USH2A: variants seen among roughly 807,000 people sequenced by gnomAD.
USH2A encodes the protein Usher syndrome 2A (autosomal recessive, mild).
A neutral mutation model predicts 538.9 loss-of-function variants in USH2A; 443 were observed. The observed-to-expected ratio is 0.82, with a 90% confidence interval of 0.76 to 0.89. The LOEUF is 0.89. Among genes scored for constraint, USH2A ranks in the 40% least tolerant of loss-of-function variants. The probability of loss-of-function intolerance (pLI) is 0.00; values close to 1 mark genes in which losing one functional copy is unlikely to be tolerated. For missense variants in USH2A, 6,633 were observed against 6,324.8 expected (o/e 1.05, Z -1.65); for synonymous variants, 2,413 against 2,273.5 (o/e 1.06, Z -1.75).
At chr1:216,202,147 A>C (rs2035015035) in intron 16 of USH2A, among the ~76,000 whole-genome samples, 1 of 152,250 alleles carries the variant, frequency 6.6e-6, no homozygotes, top group Non-Finnish European at 1.5e-5. Flanking sequence ...AAAACCTAAA[A>C]GAAAAAAATA....
intron 3 of USH2A, among the ~76,000 whole-genome samples, chr1:216,374,035 T>C (rs1335595612): frequency 7.3e-6 from 1 of 137,372 alleles, no homozygotes; most frequent in African/African-American, 2.8e-5. Context: ...TTCTCACTCA[T>C]AGGTGGGAAT....
At chr1:216,024,550 T>C (rs1351545423) in intron 32 of USH2A, among the ~76,000 whole-genome samples, 1 of 152,096 alleles carries the variant, frequency 6.6e-6, no homozygotes, top group Admixed American at 6.5e-5. Flanking sequence ...TATGTAATTA[T>C]GTAAATTCCA....
intron 64 of USH2A, among the ~76,000 whole-genome samples, chr1:215,657,912 C>A (rs1657312721): frequency 1.4e-5 from 2 of 146,026 alleles, no homozygotes; most frequent in Admixed American, 1.4e-4. Context: ...CTGTGAAATA[C>A]TGAAATTTGC....
intron 41 of USH2A, among the ~76,000 whole-genome samples, chr1:215,883,894 A>G (rs1664983711): frequency 6.6e-6 from 1 of 152,150 alleles, no homozygotes; most frequent in Admixed American, 6.6e-5. Context: ...TTATACTTCA[A>G]AATCATTTTA....
rs114171452 is a variant in USH2A at position 216,303,868 on chromosome 1, G to T, written c.1645-11498C>A. Among the ~76,000 whole-genome samples, 1,410 of 152,004 alleles carry T rather than the reference G, an allele frequency of 9.3e-3. 7 individuals carry two copies. The highest frequency in any genetic ancestry group is 0.039 in the South Asian group (190 of 4,824). On this transcript the variant is annotated intron_variant, in intron 9 of 71. Transcript: ENST00000307340. ...ACATAGAAGGCATTTATAAATATTTGTTGAGTGACTAAAGCTAGCAAATGA... is the reference window on the plus strand; with the variant it reads ...ACATAGAAGGCATTTATAAATATTTTTTGAGTGACTAAAGCTAGCAAATGA...
At chr1:216,049,579 C>T (rs72744696) in intron 30 of USH2A, among the ~76,000 whole-genome samples, 11,631 of 152,162 alleles carry the variant, frequency 0.076, 964 homozygotes, top group African/African-American at 0.21. Flanking sequence ...TGGCCCCACT[C>T]GTGGTGTCTC....
rs372626870 is a variant in USH2A at position 216,201,275 on chromosome 1, C to CATCG, written c.3317-1158_3317-1155dup. Among the ~76,000 whole-genome samples, 315 of 151,056 alleles carry CATCG rather than the reference C, an allele frequency of 2.1e-3. 4 individuals are homozygous for CATCG. Among genetic ancestry groups the CATCG allele is most frequent in the African/African-American group, 7.0e-3 (286 of 41,078 alleles). On this transcript the variant is annotated intron_variant, in intron 16 of 71. Coordinates refer to ENST00000307340, the MANE Select transcript of USH2A (RefSeq NM_206933.4). ...GACACAAATCTTTGGAGTGATAACC[C>CATCG]ATCGTGTAAACCTAGGCATTCCCAG...
intron 67 of USH2A, among the ~76,000 whole-genome samples, chr1:215,640,996 AT>A (rs1656666866): frequency 1.3e-5 from 2 of 152,140 alleles, no homozygotes; most frequent in Non-Finnish European, 2.9e-5. Context: ...TTTAAAAAAA[AT>A]CGATAGAGAG....
At position 215,741,457 on chromosome 1, in the gene USH2A, C is replaced by A. The variant is rs777676689; in HGVS notation, c.11629G>T (p.Ala3877Ser). Residue 3877 changes from alanine (A) to serine (S), a missense_variant, in exon 60 of 72, where the codon GCA (alanine) becomes TCA (serine). Coordinates refer to ENST00000307340, the MANE Select transcript of USH2A (RefSeq NM_206933.4). ...ATCTCTATGCAAGCTGACCCCAGTG[C>A]CTTAAGAACAGGAGAATTAAGATCC... is the stretch of plus-strand genomic sequence containing the variant. ...PMDLNSPVLKALGSACIEIKW... is the reference protein window; with the variant it reads ...PMDLNSPVLKSLGSACIEIKW... 6.2e-7 allele frequency: 1 copy of A among 1,613,724 alleles called. No individual in the cohort carries two copies. Among genetic ancestry groups the A allele is most frequent in the Non-Finnish European group, 8.5e-7 (1 of 1,179,936 alleles).
intron 21 of USH2A, among the ~76,000 whole-genome samples, chr1:216,123,589 G>T (rs17648224): frequency 1.7e-4 from 25 of 151,292 alleles, no homozygotes; most frequent in Non-Finnish European, 1.2e-4. Context: ...CCTTTTTTTC[G>T]CATTATTGTA....
chr1:215,871,296 G>A (rs1664619853), intron 43 of USH2A, among the ~76,000 whole-genome samples: 1 of 152,008 alleles, frequency 6.6e-6, no homozygotes, highest in Non-Finnish European at 1.5e-5. Flanking sequence ...CAAGGTTCAG[G>A]TGTTATTACT....
chr1:215,930,914 T>G (rs10495013), intron 38 of USH2A, among the ~76,000 whole-genome samples: 6,178 of 151,890 alleles, frequency 0.041, 137 homozygotes, highest in Middle Eastern at 0.088. Context: ...TGTACCATAA[T>G]ACTATTCAAG....
intron 49 of USH2A, among the ~76,000 whole-genome samples, chr1:215,802,874 C>T (rs1662379043): frequency 6.6e-6 from 1 of 152,036 alleles, no homozygotes; most frequent in Non-Finnish European, 1.5e-5. Context: ...CCAATGTCCG[C>T]TGATGAATAA....
intron 37 of USH2A, among the ~76,000 whole-genome samples, chr1:215,961,972 A>G (rs1667211460): frequency 6.6e-6 from 1 of 152,016 alleles, no homozygotes; most frequent in Non-Finnish European, 1.5e-5. Flanking sequence ...ATATATAAAG[A>G]ACTTCTTAAA....
At chr1:216,252,847 A>G (rs146992570) in intron 11 of USH2A, among the ~76,000 whole-genome samples, 1 of 152,294 alleles carries the variant, frequency 6.6e-6, no homozygotes, top group East Asian at 1.9e-4. Flanking sequence ...TTATTGGTGG[A>G]TATGTGTAAC....
At chr1:215,945,229 A>G (rs1288350952) in intron 37 of USH2A, among the ~76,000 whole-genome samples, 1 of 152,092 alleles carries the variant, frequency 6.6e-6, no homozygotes, top group Non-Finnish European at 1.5e-5. Flanking sequence ...AACTTAATCA[A>G]TTTTGCTCTC....
intron 44 of USH2A, among the ~76,000 whole-genome samples, chr1:215,864,141 C>G (rs932160655): frequency 6.6e-6 from 1 of 152,044 alleles, no homozygotes; most frequent in African/African-American, 2.4e-5. Flanking sequence ...ACTGAGCAGT[C>G]AAGATGAGAA....
In USH2A at chr1:216,422,438, T is replaced by C; in HGVS notation, c.-102A>G. 6.5e-7 allele frequency: 1 copy of C among 1,540,128 alleles called. No homozygotes were observed. The highest frequency in any genetic ancestry group is 1.8e-5 in the Admixed American group (1 of 56,296). On this transcript the variant is annotated 5_prime_UTR_variant, in exon 2 of 72. Coordinates refer to ENST00000307340, the MANE Select transcript of USH2A (RefSeq NM_206933.4). ...CTTTGAAGCAGGGTACTTTAAGTGA[T>C]GTTGCGATACTCCATTTTCTGGAAA...
intron 21 of USH2A, among the ~76,000 whole-genome samples, chr1:216,173,187 A>T (rs548051594): frequency 1.3e-5 from 2 of 152,258 alleles, no homozygotes; most frequent in African/African-American, 4.8e-5. Flanking sequence ...TGGTTTTGAA[A>T]ACCTGTCCTA....
Sources: gnomAD v4.1 joint callset for allele counts (sites outside exome capture counted in the v4.1 genomes callset) on GRCh38, gnomAD v4.1.1 for gene constraint, MANE v1.5 for transcripts, NCBI Gene and HGNC (gene_info 2026-07-23, HGNC 2026-07-21) for gene names.